PHACTR1: variants seen among roughly 807,000 people sequenced by gnomAD.
The protein encoded by PHACTR1 is phosphatase and actin regulator 1.
PHACTR1 carries 16 observed loss-of-function variants against 69.2 expected under a neutral mutation model. The observed-to-expected ratio is 0.23, with a 90% confidence interval of 0.16 to 0.35. The LOEUF (loss-of-function observed/expected upper bound fraction) is 0.35. PHACTR1 is among the 10% of genes least tolerant of loss of function. The probability of loss-of-function intolerance (pLI) is 1.00; values close to 1 mark genes in which losing one functional copy is unlikely to be tolerated. For synonymous variants in PHACTR1, 312 were observed against 284.5 expected, an observed-to-expected ratio of 1.10 and a Z score of -0.97; for missense variants, 510 against 734.7, an observed-to-expected ratio of 0.69 and a Z score of 3.54.
chr6:13,107,340 G>C (rs1816333948), intron 5 of PHACTR1, among the ~76,000 whole-genome samples: 1 of 152,102 alleles, frequency 6.6e-6, no homozygotes, highest in Non-Finnish European at 1.5e-5. Flanking sequence ...TCAAACTCTT[G>C]GGCTCAAGGA....
intron 6 of PHACTR1, among the ~76,000 whole-genome samples, chr6:13,180,474 C>A (rs572062872): frequency 3.3e-5 from 5 of 152,322 alleles, no homozygotes; most frequent in African/African-American, 1.2e-4. Context: ...AGTCATCCAA[C>A]CGCAGTTACA....
intron 4 of PHACTR1, among the ~76,000 whole-genome samples, chr6:12,974,770 A>C (rs7762881): frequency 2.7e-4 from 41 of 151,996 alleles, no homozygotes; most frequent in Non-Finnish European, 2.6e-4. Context: ...GAGTGCAAGC[A>C]ATATTTTGAG....
intron 10 of PHACTR1, among the ~76,000 whole-genome samples, chr6:13,261,840 A>C (rs1042438882): frequency 6.6e-6 from 1 of 152,210 alleles, no homozygotes; most frequent in Non-Finnish European, 1.5e-5. Context: ...TAGACAGACA[A>C]AGAGGAAGGA....
At chr6:12,940,115 C>G (rs1457289859) in intron 4 of PHACTR1, among the ~76,000 whole-genome samples, 3 of 152,148 alleles carry the variant, frequency 2.0e-5, no homozygotes, top group Non-Finnish European at 2.9e-5. Flanking sequence ...AAAATAAAAC[C>G]TGAACACCAT....
intron 5 of PHACTR1, among the ~76,000 whole-genome samples, chr6:13,066,130 T>G (rs566942273): frequency 8.3e-4 from 126 of 152,292 alleles, no homozygotes; most frequent in African/African-American, 2.9e-3. Context: ...ATCTGTTACC[T>G]TCTAGGGCTG....
intron 3 of PHACTR1, among the ~76,000 whole-genome samples, chr6:12,733,637 T>A (rs530269904): frequency 4.6e-5 from 7 of 152,230 alleles, no homozygotes; most frequent in African/African-American, 1.4e-4. Flanking sequence ...CTACATCCTG[T>A]TGTCTTCTTG....
chr6:13,028,165 T>C (rs186297749), intron 4 of PHACTR1, among the ~76,000 whole-genome samples: 1 of 152,274 alleles, frequency 6.6e-6, no homozygotes. Context: ...TTTTGCAGAG[T>C]GCCACAGGTG....
At chr6:12,747,526 C>T (rs1765948839) in intron 3 of PHACTR1, among the ~76,000 whole-genome samples, 2 of 151,842 alleles carry the variant, frequency 1.3e-5, no homozygotes, top group Admixed American at 6.6e-5. Flanking sequence ...ATTAGTTGGG[C>T]ATGGTGGTGC....
intron 4 of PHACTR1, among the ~76,000 whole-genome samples, chr6:12,776,378 G>A (rs1770065877): frequency 6.6e-6 from 1 of 152,142 alleles, no homozygotes; most frequent in African/African-American, 2.4e-5. Flanking sequence ...GCTTACTCTG[G>A]AGAGTTGGAA....
chr6:13,153,526 T>A (rs1382836502), intron 5 of PHACTR1, among the ~76,000 whole-genome samples: 1 of 152,238 alleles, frequency 6.6e-6, no homozygotes, highest in Non-Finnish European at 1.5e-5. Context: ...TTCAGGCTTC[T>A]CATATGTTGG....
chr6:13,193,851 C>T (rs1326123876), intron 7 of PHACTR1, among the ~76,000 whole-genome samples: 1 of 152,078 alleles, frequency 6.6e-6, no homozygotes, highest in East Asian at 1.9e-4. Context: ...ATCCTTTCAT[C>T]TCTCCATCTC....
intron 7 of PHACTR1, among the ~76,000 whole-genome samples, chr6:13,194,755 C>A (rs989681708): frequency 2.2e-4 from 33 of 152,162 alleles, no homozygotes; most frequent in Admixed American, 2.2e-3. Flanking sequence ...AAAATGTCAT[C>A]CCATGAATAT....
At chr6:12,743,721 T>C (rs1012681449) in intron 3 of PHACTR1, among the ~76,000 whole-genome samples, 4 of 151,946 alleles carry the variant, frequency 2.6e-5, no homozygotes, top group Non-Finnish European at 5.9e-5. Context: ...ACTTTAACAC[T>C]CCACTGTCAA....
At chr6:13,097,590 C>T (rs909804143) in intron 5 of PHACTR1, among the ~76,000 whole-genome samples, 2 of 152,196 alleles carry the variant, frequency 1.3e-5, no homozygotes, top group African/African-American at 4.8e-5. Context: ...GCCCCTCTTG[C>T]CCTGGCTAAC....
At chr6:13,020,282 A>T (rs1331525873) in intron 4 of PHACTR1, among the ~76,000 whole-genome samples, 1 of 152,164 alleles carries the variant, frequency 6.6e-6, no homozygotes, top group Non-Finnish European at 1.5e-5. Flanking sequence ...TTATATGATG[A>T]TTGTTTTTAG....
chr6:12,941,992 G>T (rs1790106895), intron 4 of PHACTR1, among the ~76,000 whole-genome samples: 1 of 152,152 alleles, frequency 6.6e-6, no homozygotes, highest in Non-Finnish European at 1.5e-5. Context: ...AACACTTTGA[G>T]CAGGAGATAA....
At chr6:12,992,049 C>T (rs745569853) in intron 4 of PHACTR1, among the ~76,000 whole-genome samples, 7 of 151,884 alleles carry the variant, frequency 4.6e-5, no homozygotes, top group Non-Finnish European at 1.0e-4. Flanking sequence ...TATTTTACCA[C>T]GTCCCAAAGT....
At chr6:13,047,402 AG>A (rs1185098881) in intron 4 of PHACTR1, among the ~76,000 whole-genome samples, 1 of 148,180 alleles carries the variant, frequency 6.7e-6, no homozygotes, top group South Asian at 2.1e-4. Flanking sequence ...AAAAAAAAAA[AG>A]GCAGTGCTGC....
chr6:12,974,647 C>T (rs143565945), intron 4 of PHACTR1, among the ~76,000 whole-genome samples: 492 of 152,274 alleles, frequency 3.2e-3, no homozygotes, highest in African/African-American at 0.011. Context: ...AACTCAATTG[C>T]GGTGCCTTTC....
Sources: gnomAD v4.1 joint callset for allele counts (sites outside exome capture counted in the v4.1 genomes callset) on GRCh38, gnomAD v4.1.1 for gene constraint, MANE v1.5 for transcripts, NCBI Gene and HGNC (gene_info 2026-07-23, HGNC 2026-07-21) for gene names.